The following CAMTA1 variants were observed in gnomAD, a reference collection of about 807,000 sequenced individuals.
The protein encoded by CAMTA1 is calmodulin binding transcription activator 1, also known as calmodulin-binding transcription activator 1.
In CAMTA1, 27 loss-of-function variants were observed where a neutral mutation model predicts 170.9. The ratio of observed to expected loss-of-function variants is 0.16; its 90% CI spans 0.12 to 0.22. CAMTA1 has a LOEUF of 0.22. Ranked by LOEUF, CAMTA1 falls within the 10% of genes least tolerant of loss-of-function variation. CAMTA1 has a pLI of 1.00. For synonymous variants in CAMTA1, 833 were observed against 891.5 expected, an observed-to-expected ratio of 0.93 and a Z score of 1.17; for missense variants, 1,619 against 2,217.2, an observed-to-expected ratio of 0.73 and a Z score of 5.42.
chr1:7,564,486 G>C (rs538130021), intron 6 of CAMTA1, among the ~76,000 whole-genome samples: 1 of 152,328 alleles, frequency 6.6e-6, no homozygotes, highest in African/African-American at 2.4e-5. Context: ...GTGGGAAAAC[G>C]GGCTCCTCTG....
chr1:6,910,749 G>A (rs933053654), intron 3 of CAMTA1, among the ~76,000 whole-genome samples: 1 of 152,200 alleles, frequency 6.6e-6, no homozygotes, highest in Non-Finnish European at 1.5e-5. Context: ...TTTCAAAGGC[G>A]GAGGTGTGCT....
chr1:6,786,348 G>A (rs960976171), intron 1 of CAMTA1, among the ~76,000 whole-genome samples: 1 of 152,070 alleles, frequency 6.6e-6, no homozygotes, highest in Non-Finnish European at 1.5e-5. Flanking sequence ...CAGCCAGGAG[G>A]GTGGGGTCTC....
At chr1:7,494,737 G>C (rs912813719) in intron 6 of CAMTA1, among the ~76,000 whole-genome samples, 1 of 152,188 alleles carries the variant, frequency 6.6e-6, no homozygotes, top group African/African-American at 2.4e-5. Context: ...TCCAGAAGTA[G>C]AGATTGCAGT....
chr1:7,443,427 G>A lies in CAMTA1; in HGVS notation c.439-24403G>A, dbSNP rs142033581. ...GGAGATGATGATAGCCATGTCAGACGACAGCAGGGAGAGTGGAAAGTCACC... is the reference window on the plus strand; with the variant it reads ...GGAGATGATGATAGCCATGTCAGACAACAGCAGGGAGAGTGGAAAGTCACC... On this transcript the variant is annotated intron_variant, in intron 5 of 22. Coordinates refer to ENST00000303635, the MANE Select transcript of CAMTA1 (RefSeq NM_015215.4). This position sits in a 1 kb window ranked among gnomAD's most constrained non-coding sequence, Gnocchi z 4.1. Among the ~76,000 whole-genome samples, 590 of 152,292 alleles carry A rather than the reference G, an allele frequency of 3.9e-3. 6 individuals carry two copies. Among genetic ancestry groups the A allele is most frequent in the Non-Finnish European group, 4.8e-3 (326 of 68,024 alleles).
intron 3 of CAMTA1, among the ~76,000 whole-genome samples, chr1:7,015,790 G>A (rs538614877): frequency 2.0e-5 from 3 of 150,652 alleles, no homozygotes; most frequent in South Asian, 2.1e-4. Context: ...GGATCGTGGC[G>A]GAAGGCAAAG....
intron 4 of CAMTA1, among the ~76,000 whole-genome samples, chr1:7,196,115 G>A (rs534108274): frequency 6.6e-6 from 1 of 152,274 alleles, no homozygotes; most frequent in South Asian, 2.1e-4. Context: ...TTGAATCACG[G>A]GTCAGGTTTC....
intron 4 of CAMTA1, among the ~76,000 whole-genome samples, chr1:7,230,015 G>A (rs1201562448): frequency 6.6e-6 from 1 of 152,048 alleles, no homozygotes; most frequent in Non-Finnish European, 1.5e-5. Context: ...TTCCTGGGGC[G>A]CTTTCACCCC....
At chr1:7,108,588 C>T (rs1272896509) in intron 4 of CAMTA1, among the ~76,000 whole-genome samples, 1 of 152,172 alleles carries the variant, frequency 6.6e-6, no homozygotes, top group Admixed American at 6.5e-5. Flanking sequence ...GGGGAGAAAA[C>T]TCAAAGAGTC....
intron 5 of CAMTA1, among the ~76,000 whole-genome samples, chr1:7,294,742 A>C (rs1160331947): frequency 6.6e-6 from 1 of 152,244 alleles, no homozygotes; most frequent in Non-Finnish European, 1.5e-5. Flanking sequence ...AGTCACTGTC[A>C]GAGGCTGCAA....
At chr1:7,331,979 GA>G (rs2149748166) in intron 5 of CAMTA1, among the ~76,000 whole-genome samples, 1 of 152,338 alleles carries the variant, frequency 6.6e-6, no homozygotes, top group Non-Finnish European at 1.5e-5. Context: ...CGTTTGTGCA[GA>G]AAGATTGGCT....
chr1:7,411,470 C>T (rs572811662), intron 5 of CAMTA1, among the ~76,000 whole-genome samples: 1 of 122,916 alleles, frequency 8.1e-6, no homozygotes, highest in East Asian at 2.6e-4. Flanking sequence ...ACCTGGGAGG[C>T]GGAGGTTGCA....
chr1:6,934,399 C>T lies in CAMTA1; in HGVS notation c.234+109189C>T, dbSNP rs148922676. ...CCTGCTGTAATCTGCCCCATGTCAC[C>T]TGCTTTAGGCATTCATATTTGAGGC... On this transcript the variant is annotated intron_variant, in intron 3 of 22. Coordinates refer to ENST00000303635, the MANE Select transcript of CAMTA1 (RefSeq NM_015215.4). This position sits in a 1 kb window ranked among gnomAD's most constrained non-coding sequence, Gnocchi z 4.5. Among the ~76,000 whole-genome samples, 49 of 152,316 alleles carry T rather than the reference C, an allele frequency of 3.2e-4. 1 individual carries two copies. The East Asian group carries it at 9.3e-3, about 29-fold the overall frequency.
chr1:7,367,644 C>T (rs2086077486), intron 5 of CAMTA1, among the ~76,000 whole-genome samples: 1 of 152,272 alleles, frequency 6.6e-6, no homozygotes, highest in East Asian at 1.9e-4. Flanking sequence ...ATTTCCTCTA[C>T]TCCTGGGACA....
At chr1:7,271,067 A>T (rs907373524) in intron 5 of CAMTA1, among the ~76,000 whole-genome samples, 1 of 152,186 alleles carries the variant, frequency 6.6e-6, no homozygotes, top group Non-Finnish European at 1.5e-5. Context: ...CAATTTTTAC[A>T]TGCTGAATAC....
intron 7 of CAMTA1, among the ~76,000 whole-genome samples, chr1:7,645,648 C>T (rs2095797823): frequency 6.6e-6 from 1 of 152,256 alleles, no homozygotes; most frequent in South Asian, 2.1e-4. Context: ...GCAGCTCCCC[C>T]AGCCGCCTCG....
chr1:7,415,119 A>C lies in CAMTA1; in HGVS notation c.439-52711A>C, dbSNP rs1175247902. Among the ~76,000 whole-genome samples, 1,395 of 152,160 alleles carry C rather than the reference A, an allele frequency of 9.2e-3. 18 individuals carry two copies. The highest frequency in any genetic ancestry group is 0.032 in the African/African-American group (1,311 of 41,500). On this transcript the variant is annotated intron_variant, in intron 5 of 22. Transcript: ENST00000303635. ...TCTAGTTTGATTGCACTGTGGTCTGAGAGACAGTTTGTTATAATTTCTGTT... is the reference window on the plus strand; with the variant it reads ...TCTAGTTTGATTGCACTGTGGTCTGCGAGACAGTTTGTTATAATTTCTGTT...
At chr1:7,155,376 G>T (rs1646808994) in intron 4 of CAMTA1, among the ~76,000 whole-genome samples, 1 of 121,506 alleles carries the variant, frequency 8.2e-6, no homozygotes, top group Non-Finnish European at 1.8e-5. Context: ...CAGCCTCTGT[G>T]AGGGCACCGT....
rs1639688110 is a variant in CAMTA1 at position 6,787,298 on chromosome 1, G to GC, written c.45+1724dup. ...CCATCCTGGAAGAGGTTGCTTGTGTGCTCCTTGTTGTACTAGAACCTTCCT... is the reference window on the plus strand; with the variant it reads ...CCATCCTGGAAGAGGTTGCTTGTGTGCCTCCTTGTTGTACTAGAACCTTCCT... On this transcript the variant is annotated intron_variant, in intron 1 of 22. Coordinates refer to ENST00000303635, the MANE Select transcript of CAMTA1 (RefSeq NM_015215.4). Among the ~76,000 whole-genome samples, 3 of 152,214 alleles carry GC rather than the reference G, an allele frequency of 2.0e-5. No individual in the cohort carries two copies. In the South Asian group the frequency reaches 6.2e-4, roughly 32 times the overall value.
chr1:7,655,149 TACACACACCTATACACACCC>T lies in CAMTA1; in HGVS notation c.665-6559_665-6540del, dbSNP rs2095881730. ...ACCTCTATACACACAAACCCACCTA[TACACACACCTATACACACCC>T]ACACACACCTATACACAAACACACA... On this transcript the variant is annotated intron_variant, in intron 7 of 22. Transcript: ENST00000303635. 1.1e-4 allele frequency among the ~76,000 whole-genome samples: 11 copies of T among 98,260 alleles called. No homozygotes were observed. The South Asian group carries it at 2.8e-3, about 25-fold the overall frequency. 64.5% of individuals were successfully genotyped at this position (98,260 alleles called of 152,430 possible). A position where few individuals can be genotyped will look rare whatever the true frequency, so the allele number is the denominator to read the frequency against.
Sources: allele counts gnomAD v4.1 joint callset (sites outside exome capture counted in the v4.1 genomes callset), GRCh38; gene constraint gnomAD v4.1.1; non-coding constraint Gnocchi (gnomAD v3.1); transcripts MANE v1.5; gene names NCBI Gene and HGNC (gene_info 2026-07-23, HGNC 2026-07-21).